The following MARCHF3 variants were observed in gnomAD, a reference collection of about 807,000 sequenced individuals.
MARCHF3 encodes the protein E3 ubiquitin-protein ligase MARCHF3.
A neutral mutation model predicts 24.2 loss-of-function variants in MARCHF3; 13 were observed. The observed-to-expected ratio is 0.54, with a 90% confidence interval of 0.35 to 0.85. The LOEUF is 0.85. Among genes scored for constraint, MARCHF3 ranks in the 40% least tolerant of loss-of-function variants. The pLI is 0.01. For synonymous variants in MARCHF3, 144 were observed against 137.3 expected, an observed-to-expected ratio of 1.05 and a Z score of -0.34; for missense variants, 276 against 325.0, an observed-to-expected ratio of 0.85 and a Z score of 1.16.
chr5:126,948,110 T>C (rs1750091003), intron 1 of MARCHF3, among the ~76,000 whole-genome samples: 1 of 152,140 alleles, frequency 6.6e-6, no homozygotes, highest in South Asian at 2.1e-4. Flanking sequence ...TCCCAGACAT[T>C]ACTGGGAGCC....
chr5:126,881,822 T>C (rs1045904765), intron 3 of MARCHF3, among the ~76,000 whole-genome samples: 12 of 152,126 alleles, frequency 7.9e-5, no homozygotes, highest in African/African-American at 2.7e-4. Flanking sequence ...AATATATGTA[T>C]ATATATCACT....
intron 1 of MARCHF3, among the ~76,000 whole-genome samples, chr5:126,951,421 C>T (rs1281070052): frequency 1.3e-5 from 2 of 152,132 alleles, no homozygotes; most frequent in Non-Finnish European, 2.9e-5. Context: ...CTTGTATGTC[C>T]AACTGTCTAT....
intron 1 of MARCHF3, among the ~76,000 whole-genome samples, chr5:127,028,851 A>T (rs77797904): frequency 0.016 from 2,512 of 152,326 alleles, 30 homozygotes; most frequent in Non-Finnish European, 0.024. Context: ...TTGAATGAAA[A>T]TAGAACTTGA....
chr5:126,952,038 G>A (rs1234475901), intron 1 of MARCHF3, among the ~76,000 whole-genome samples: 1 of 152,072 alleles, frequency 6.6e-6, no homozygotes, highest in Non-Finnish European at 1.5e-5. Flanking sequence ...GTAGAGACAG[G>A]GTTTCACCAT....
chr5:127,011,685 C>T (rs1424114425), intron 1 of MARCHF3, among the ~76,000 whole-genome samples: 1 of 152,162 alleles, frequency 6.6e-6, no homozygotes, highest in Non-Finnish European at 1.5e-5. Flanking sequence ...ATTATCACAC[C>T]TTCAAATATG....
intron 1 of MARCHF3, among the ~76,000 whole-genome samples, chr5:126,938,165 C>G (rs201469182): frequency 8.1e-6 from 1 of 122,900 alleles, no homozygotes; most frequent in South Asian, 2.7e-4. Flanking sequence ...TGATCTGATT[C>G]TTTTTTTTTT....
intron 1 of MARCHF3, among the ~76,000 whole-genome samples, chr5:126,981,500 G>A (rs932236557): frequency 2.6e-5 from 4 of 152,354 alleles, no homozygotes; most frequent in East Asian, 3.9e-4. Context: ...CCAGATGTAA[G>A]TGTGTTTGGA....
chr5:126,998,347 C>T (rs1226376114), intron 1 of MARCHF3, among the ~76,000 whole-genome samples: 2 of 152,168 alleles, frequency 1.3e-5, no homozygotes, highest in Non-Finnish European at 2.9e-5. Context: ...GAATAAAACA[C>T]CAAGTTCCTG....
intron 1 of MARCHF3, among the ~76,000 whole-genome samples, chr5:126,921,218 G>A (rs770996261): frequency 3.3e-5 from 5 of 152,122 alleles, no homozygotes; most frequent in Admixed American, 1.3e-4. Flanking sequence ...CTGAAAGACC[G>A]TGGACTTGAA....
rs77677573 is a variant in MARCHF3, at chr5:126,951,324, A to G, written c.-56-33097T>C. On this transcript the variant is annotated intron_variant, in intron 1 of 4. Coordinates refer to ENST00000308660, the MANE Select transcript of MARCHF3 (RefSeq NM_178450.5). ...AGTCCATAGTCTTCTTTTCCTCTCA[A>G]TCTAGACTCACTCCCTTCATGATCC... is the stretch of plus-strand genomic sequence containing the variant. Among the ~76,000 whole-genome samples, 1,517 of 152,054 alleles carry G rather than the reference A, an allele frequency of 1.0e-2. 19 individuals carry two copies. The highest frequency in any genetic ancestry group is 0.035 in the African/African-American group (1,443 of 41,474).
chr5:126,973,723 A>G (rs1262168709), intron 1 of MARCHF3, among the ~76,000 whole-genome samples: 1 of 152,234 alleles, frequency 6.6e-6, no homozygotes, highest in Non-Finnish European at 1.5e-5. Context: ...AGTTATCCGT[A>G]TTAGTAAGAA....
chr5:126,881,601 T>G (rs1258880394), intron 3 of MARCHF3, among the ~76,000 whole-genome samples: 1 of 152,172 alleles, frequency 6.6e-6, no homozygotes, highest in African/African-American at 2.4e-5. Flanking sequence ...AATGTACATT[T>G]TATATTTACT....
At chr5:126,980,812 T>C (rs1284220634) in intron 1 of MARCHF3, among the ~76,000 whole-genome samples, 5 of 152,228 alleles carry the variant, frequency 3.3e-5, no homozygotes, top group Admixed American at 3.3e-4. Context: ...ACTATAGGCA[T>C]GAAGGAGAGG....
intron 1 of MARCHF3, among the ~76,000 whole-genome samples, chr5:126,975,218 G>C (rs1231502758): frequency 1.3e-5 from 2 of 152,246 alleles, no homozygotes; most frequent in African/African-American, 4.8e-5. Flanking sequence ...GCCTCCCAAA[G>C]TGCTGGGATT....
At chr5:126,922,398 A>T (rs969930979) in intron 1 of MARCHF3, among the ~76,000 whole-genome samples, 31 of 152,170 alleles carry the variant, frequency 2.0e-4, no homozygotes, top group African/African-American at 7.5e-4. Context: ...GATAATACAT[A>T]TGAATTCACT....
chr5:126,916,692 GACAC>G (rs34090036), intron 2 of MARCHF3, among the ~76,000 whole-genome samples: 2,300 of 130,536 alleles, frequency 0.018, 42 homozygotes, highest in Middle Eastern at 0.08. Context: ...CAGACAGACA[GACAC>G]ACACACACAC....
At chr5:126,969,895 C>T (rs1485720731) in intron 1 of MARCHF3, among the ~76,000 whole-genome samples, 4 of 152,178 alleles carry the variant, frequency 2.6e-5, no homozygotes, top group African/African-American at 7.2e-5. Context: ...CCAACCATCT[C>T]GCCCTGGTGC....
chr5:126,883,044 A>G (rs1439352137), intron 3 of MARCHF3, among the ~76,000 whole-genome samples: 4 of 152,176 alleles, frequency 2.6e-5, no homozygotes, highest in Non-Finnish European at 4.4e-5. Context: ...TTACATCTTA[A>G]TTGTACTTAT....
At chr5:126,889,322 A>C (rs1032752279) in intron 3 of MARCHF3, among the ~76,000 whole-genome samples, 1 of 152,138 alleles carries the variant, frequency 6.6e-6, no homozygotes, top group African/African-American at 2.4e-5. Flanking sequence ...GAATACGATA[A>C]ATAACATGAA....
Sources: allele counts gnomAD v4.1 joint callset (sites outside exome capture counted in the v4.1 genomes callset), GRCh38; gene constraint gnomAD v4.1.1; transcripts MANE v1.5; gene names NCBI Gene and HGNC (gene_info 2026-07-23, HGNC 2026-07-21).